The following CPNE4 variants were observed in gnomAD, a reference collection of about 807,000 sequenced individuals.
CPNE4 encodes copine 4.
CPNE4 carries 25 observed loss-of-function variants against 67.9 expected under a neutral mutation model. The observed-to-expected ratio is 0.37, with a 90% confidence interval of 0.27 to 0.51. The LOEUF (loss-of-function observed/expected upper bound fraction) is 0.51. Ranked by LOEUF, CPNE4 falls within the 20% of genes least tolerant of loss-of-function variation. The probability of loss-of-function intolerance (pLI) is 0.93; values close to 1 mark genes in which losing one functional copy is unlikely to be tolerated. For missense variants in CPNE4, 464 were observed against 690.8 expected (o/e 0.67, Z 3.68); for synonymous variants, 242 against 244.9 (o/e 0.99, Z 0.11).
Position 131,928,553 on chromosome 3 carries a change from C to T in CPNE4, c.-1-23109G>A, listed in dbSNP as rs567854850. On this transcript the variant is annotated intron_variant, in intron 1 of 15. Coordinates refer to ENST00000429747, the MANE Select transcript of CPNE4 (RefSeq NM_130808.3). ...AGGAACCTGAAAAAGCAACAACATC[C>T]TGGCAGTGACTAGCCTTAAAAACCA... 9.5e-4 allele frequency among the ~76,000 whole-genome samples: 145 copies of T among 152,284 alleles called. 1 individual carries two copies. Among genetic ancestry groups the T allele is most frequent in the African/African-American group, 3.5e-3 (144 of 41,570 alleles).
chr3:131,628,473 T>G (rs1184922627), intron 7 of CPNE4, among the ~76,000 whole-genome samples: 2 of 152,300 alleles, frequency 1.3e-5, no homozygotes, highest in African/African-American at 2.4e-5. Flanking sequence ...GAAGGAATGG[T>G]ACCAGCTCCT....
chr3:131,818,608 C>T (rs2084838928), intron 2 of CPNE4, among the ~76,000 whole-genome samples: 1 of 152,168 alleles, frequency 6.6e-6, no homozygotes, highest in Admixed American at 6.5e-5. Flanking sequence ...CTATGCCTAA[C>T]CTGTTGAATC....
intron 2 of CPNE4, among the ~76,000 whole-genome samples, chr3:131,742,529 A>G (rs1003329955): frequency 2.0e-4 from 31 of 152,196 alleles, no homozygotes; most frequent in African/African-American, 7.5e-4. Context: ...ATATGTATAT[A>G]TAATTGCATG....
At chr3:131,855,819 T>A (rs540269811) in intron 2 of CPNE4, among the ~76,000 whole-genome samples, 1 of 152,148 alleles carries the variant, frequency 6.6e-6, no homozygotes, top group South Asian at 2.1e-4. Context: ...TCCGTCATCA[T>A]ATATCTGGCT....
chr3:131,868,660 A>G (rs2087063883), intron 2 of CPNE4, among the ~76,000 whole-genome samples: 1 of 152,192 alleles, frequency 6.6e-6, no homozygotes, highest in Non-Finnish European at 1.5e-5. Flanking sequence ...GAAAATTTCA[A>G]TGGGGCTAAA....
chr3:131,986,249 T>C (rs976180765), intron 1 of CPNE4, among the ~76,000 whole-genome samples: 2 of 152,142 alleles, frequency 1.3e-5, no homozygotes, highest in African/African-American at 4.8e-5. Context: ...ACCTGATTGG[T>C]AGTGTTTGCC....
At chr3:131,870,408 G>A (rs2087148129) in intron 2 of CPNE4, among the ~76,000 whole-genome samples, 2 of 152,148 alleles carry the variant, frequency 1.3e-5, no homozygotes, top group Non-Finnish European at 2.9e-5. Flanking sequence ...GAGGGCTTTA[G>A]CTGCTAATAA....
chr3:131,869,245 T>C (rs2087093441), intron 2 of CPNE4, among the ~76,000 whole-genome samples: 1 of 152,188 alleles, frequency 6.6e-6, no homozygotes, highest in Non-Finnish European at 1.5e-5. Context: ...TCAACCTTGC[T>C]TCTCACTGTG....
chr3:131,978,135 T>C (rs2072736789), intron 1 of CPNE4, among the ~76,000 whole-genome samples: 1 of 79,930 alleles, frequency 1.3e-5, no homozygotes, highest in Non-Finnish European at 2.1e-5. Flanking sequence ...TATATATTTA[T>C]ATAAATATAT....
At chr3:132,023,031 A>T (rs2074030790) in intron 1 of CPNE4, among the ~76,000 whole-genome samples, 2 of 152,254 alleles carry the variant, frequency 1.3e-5, no homozygotes. Flanking sequence ...CAGCCAGAGC[A>T]TCAAAGTGTC....
At chr3:131,958,609 CTTTTTTTTTT>C (rs748126986) in intron 1 of CPNE4, among the ~76,000 whole-genome samples, 5,271 of 96,336 alleles carry the variant, frequency 0.055, 235 homozygotes, top group African/African-American at 0.082. Context: ...TCTTTCTTTT[CTTTTTTTTTT>C]TTTTTTTTTT....
intron 2 of CPNE4, among the ~76,000 whole-genome samples, chr3:131,811,385 T>A (rs553909535): frequency 5.5e-4 from 83 of 151,848 alleles, no homozygotes; most frequent in East Asian, 3.1e-3. Flanking sequence ...GTTTAAAAAA[T>A]ATATATATAT....
chr3:131,943,639 G>C lies in CPNE4; in HGVS notation c.-1-38195C>G, dbSNP rs566537448. Among the ~76,000 whole-genome samples, 4 of 152,100 alleles carry C rather than the reference G, an allele frequency of 2.6e-5. No homozygotes were observed. In the East Asian group the frequency reaches 7.8e-4, roughly 29 times the overall value. ...CCTTTCTTACCTGGACTCCTCTAAT[G>C]TGCTTCTTAATCAATCTCCCAGCCT... is the stretch of plus-strand genomic sequence containing the variant. On this transcript the variant is annotated intron_variant, in intron 1 of 15. Coordinates refer to ENST00000429747, the MANE Select transcript of CPNE4 (RefSeq NM_130808.3).
intron 1 of CPNE4, among the ~76,000 whole-genome samples, chr3:131,919,722 C>T (rs1221446493): frequency 6.6e-6 from 1 of 152,086 alleles, no homozygotes; most frequent in Non-Finnish European, 1.5e-5. Flanking sequence ...GCAGAAATAG[C>T]GTCAACCTAT....
chr3:131,580,677 G>A (rs906768878), intron 9 of CPNE4, among the ~76,000 whole-genome samples: 1 of 152,018 alleles, frequency 6.6e-6, no homozygotes, highest in Non-Finnish European at 1.5e-5. Context: ...ATTAAACAGA[G>A]TTTATTATAG....
intron 2 of CPNE4, among the ~76,000 whole-genome samples, chr3:131,853,026 C>A (rs142243893): frequency 1.3e-5 from 2 of 151,648 alleles, no homozygotes; most frequent in Non-Finnish European, 2.9e-5. Flanking sequence ...AGATTCAGAG[C>A]AATCCCAATT....
At chr3:131,734,847 C>A (rs1207118433) in intron 2 of CPNE4, among the ~76,000 whole-genome samples, 1 of 152,124 alleles carries the variant, frequency 6.6e-6, no homozygotes, top group African/African-American at 2.4e-5. Flanking sequence ...GCCATGAACG[C>A]ACTGAGGCAC....
At chr3:131,911,295 C>G (rs1448954108) in intron 1 of CPNE4, among the ~76,000 whole-genome samples, 1 of 152,126 alleles carries the variant, frequency 6.6e-6, no homozygotes, top group African/African-American at 2.4e-5. Flanking sequence ...TGCCAACAAC[C>G]ATGTGAGCTT....
chr3:131,571,118 G>A (rs1937316328), intron 10 of CPNE4, among the ~76,000 whole-genome samples: 1 of 151,980 alleles, frequency 6.6e-6, no homozygotes, highest in Non-Finnish European at 1.5e-5. Context: ...TACTCATCAT[G>A]TTGTTCTTCA....
Sources: allele counts gnomAD v4.1 joint callset (sites outside exome capture counted in the v4.1 genomes callset), GRCh38; gene constraint gnomAD v4.1.1; transcripts MANE v1.5; gene names NCBI Gene and HGNC (gene_info 2026-07-23, HGNC 2026-07-21).